The following ZNF648 variants were observed in gnomAD, a reference collection of about 807,000 sequenced individuals.
ZNF648 encodes zinc finger protein 648.
A neutral mutation model predicts 0.3 loss-of-function variants in ZNF648; 1 was observed. That is an observed-to-expected ratio of 3.90 (90% CI 1.39 to 18.51). ZNF648 has a LOEUF of 18.51. Ranked by LOEUF, ZNF648 falls within the 30% of genes most tolerant of loss-of-function variation. ZNF648 has a pLI of 0.11. For missense variants in ZNF648, 874 were observed against 769.7 expected (o/e 1.14, Z -1.60); for synonymous variants, 376 against 326.8 (o/e 1.15, Z -1.62).
Position 182,056,995 on chromosome 1 carries a change from T to C in ZNF648, c.1016A>G (p.Asp339Gly), listed in dbSNP as rs915835018. The C allele has an allele frequency of 4.3e-6, 7 of 1,613,608 alleles. No homozygotes were observed. The Admixed American group carries it at 1.0e-4, about 23-fold the overall frequency. The change falls in exon 2 of 2, where the codon GAC becomes GGC. Residue 339 changes from aspartate (D) to glycine (G), a missense_variant. Asp to Gly is a moderately conservative substitution (Grantham distance 94). Transcript: ENST00000339948. ...HTGEKPYPCP[D>G]CGKAFVRSSD... ...AGAGCGCACGAAGGCCTTCCCGCAGTCTGGACACGGGTAGGGTTTCTCGCC... is the reference window on the plus strand; with the variant it reads ...AGAGCGCACGAAGGCCTTCCCGCAGCCTGGACACGGGTAGGGTTTCTCGCC...
chr1:182,063,549 G>T (rs1666060040), upstream of ZNF648: 1 of 152,108 alleles, frequency 6.6e-6, no homozygotes, highest in Non-Finnish European at 1.5e-5. Flanking sequence ...TTTTAATGGG[G>T]TTGTTTGTGG....
chr1:182,057,319 C>T lies in ZNF648; in HGVS notation c.692G>A (p.Arg231Lys). Residue 231 changes from arginine to lysine, a missense_variant, in exon 2 of 2, where the codon AGG (arginine) becomes AAG (lysine). Physicochemically the swap from Arg to Lys is conservative, Grantham distance 26. Transcript: ENST00000339948. ...CCGGCCCGCCTGGTTCTGTACTTTC[C>T]TGCTGTTCCGCGCTTTTGCCAGGAC... ...AAVLAKARNSRKVQNQAGRRE... is the reference protein window; with the variant it reads ...AAVLAKARNSKKVQNQAGRRE... 2 of 1,606,912 alleles carry T rather than the reference C, an allele frequency of 1.2e-6. No homozygotes were observed. The highest frequency in any genetic ancestry group is 2.2e-5 in the South Asian group (2 of 90,848).
At chr1:182,063,027 G>A (rs967075518), upstream of ZNF648, 12 of 152,176 alleles carry the variant, frequency 7.9e-5, no homozygotes, top group Admixed American at 6.5e-4. Flanking sequence ...CCCTGCAAAG[G>A]ATATGATCCT....
At position 182,056,555 on chromosome 1, in the gene ZNF648, C is replaced by T. The variant is rs761040347; in HGVS notation, c.1456G>A (p.Ala486Thr). The T allele has an allele frequency of 6.2e-7, 1 of 1,614,090 alleles. No individual in the cohort carries two copies. Among genetic ancestry groups the T allele is most frequent in the East Asian group, 2.2e-5 (1 of 44,870 alleles). The part of the protein sequence containing the change: ...FPCTQCGQAF[A>T]RSSTLKRHQQ... ...TGCCGCTTCAGGGTCGAAGAGCGGG[C>T]AAAGGCCTGGCCACACTGCGTGCAA... Residue 486 changes from alanine to threonine, a missense_variant, in exon 2 of 2, where the codon GCC (alanine) becomes ACC (threonine). Coordinates refer to ENST00000339948, the MANE Select transcript of ZNF648 (RefSeq NM_001009992.1).
rs1399647848 is a variant in ZNF648, at chr1:182,057,468, G to A, written c.543C>T (p.Asp181=). ...ACAGAGAAGAGTTCCCTGCGGACGT[G>A]TCTACACTTTTGTGCGCACAGAGAT... ...GKYLCAHKSV[D]TSAGNSSLLC... Residue 181 remains aspartate, a synonymous_variant, in exon 2 of 2, where the codon GAC becomes GAT. Coordinates refer to ENST00000339948, the MANE Select transcript of ZNF648 (RefSeq NM_001009992.1). The A allele has an allele frequency of 7.4e-6, 12 of 1,614,110 alleles. No individual in the cohort carries two copies. Among genetic ancestry groups the A allele is most frequent in the Non-Finnish European group, 9.3e-6 (11 of 1,180,054 alleles).
chr1:182,067,472 A>T, the ZNF648 span, among the ~76,000 whole-genome samples: 1 of 152,258 alleles, frequency 6.6e-6, no homozygotes, highest in East Asian at 1.9e-4. Context: ...CTAACAATAT[A>T]ATATGGGGTA....
chr1:182,067,460 A>AATAT, the ZNF648 span, among the ~76,000 whole-genome samples: 7 of 152,338 alleles, frequency 4.6e-5, no homozygotes, highest in African/African-American at 1.7e-4. Flanking sequence ...AATCAGTATT[A>AATAT]GCTAACAATA....
chr1:182,057,746 C>T lies in ZNF648; in HGVS notation c.265G>A (p.Gly89Ser), dbSNP rs1444857527. Residue 89 changes from glycine to serine, a missense_variant, in exon 2 of 2, where the codon GGC becomes AGC. Physicochemically the swap from Gly to Ser is moderately conservative, Grantham distance 56. Coordinates refer to ENST00000339948, the MANE Select transcript of ZNF648 (RefSeq NM_001009992.1). ...ATTTCCACTGGTTTCTGCCCCATGCCCCCAGCACTGGAGGAGTCAGAGAAT... is the reference window on the plus strand; with the variant it reads ...ATTTCCACTGGTTTCTGCCCCATGCTCCCAGCACTGGAGGAGTCAGAGAAT... ...EKFSDSSSAG[G>S]MGQKPVEMSG... is the part of the protein sequence containing the mutation. 1 of 1,614,176 alleles carries T rather than the reference C, an allele frequency of 6.2e-7. No individual in the cohort carries two copies. Among genetic ancestry groups the T allele is most frequent in the Non-Finnish European group, 8.5e-7 (1 of 1,180,034 alleles).
intron 1 of ZNF648, among the ~76,000 whole-genome samples, chr1:182,058,449 A>T (rs1665977043): frequency 6.6e-6 from 1 of 151,834 alleles, no homozygotes. Context: ...TCCTCCTAAG[A>T]CACTCTTACA....
Position 182,057,683 on chromosome 1 carries a change from T to G in ZNF648, c.328A>C (p.Ile110Leu), listed in dbSNP as rs1185373103. 6.2e-7 allele frequency: 1 copy of G among 1,614,210 alleles called. No individual in the cohort carries two copies. The highest frequency in any genetic ancestry group is 2.2e-5 in the East Asian group (1 of 44,864). Residue 110 changes from isoleucine (I) to leucine (L), a missense_variant, in exon 2 of 2, where the codon ATC (isoleucine) becomes CTC (leucine). Physicochemically the swap from Ile to Leu is conservative, Grantham distance 5 (BLOSUM62 2). Coordinates refer to ENST00000339948, the MANE Select transcript of ZNF648 (RefSeq NM_001009992.1). Reference protein sequence around the residue: ...KASWSRDVTKINETQGSPGAS... With the variant: ...KASWSRDVTKLNETQGSPGAS... ...CCCGGGGAACCCTGGGTCTCGTTGA[T>G]CTTTGTCACATCTCTGCTCCAACTG... is the stretch of plus-strand genomic sequence containing the variant.
intron 1 of ZNF648, among the ~76,000 whole-genome samples, 194 bp downstream of exon 1, chr1:182,061,374 A>G (rs897106319): frequency 6.6e-6 from 1 of 152,232 alleles, no homozygotes; most frequent in Admixed American, 6.5e-5. Context: ...CCCCAACCTC[A>G]TACATCCATC....
At chr1:182,059,903 G>A (rs1161296001) in intron 1 of ZNF648, among the ~76,000 whole-genome samples, 3 of 152,112 alleles carry the variant, frequency 2.0e-5, no homozygotes, top group African/African-American at 7.2e-5. Flanking sequence ...CCTGCCCAAG[G>A]CCACACAGCT....
chr1:182,060,973 G>T (rs1237462339), intron 1 of ZNF648, among the ~76,000 whole-genome samples: 2 of 152,114 alleles, frequency 1.3e-5, no homozygotes, highest in Non-Finnish European at 2.9e-5. Context: ...TGGGCCACAG[G>T]GGAGCCTCCT....
upstream of ZNF648, among the ~76,000 whole-genome samples, chr1:182,066,240 G>A (rs2101924148): frequency 6.6e-6 from 1 of 152,286 alleles, no homozygotes; most frequent in East Asian, 1.9e-4. Context: ...GAGAGAGAAG[G>A]GCATTTGATG....
the ZNF648 span, among the ~76,000 whole-genome samples, chr1:182,067,736 A>G: frequency 7.4e-3 from 1,130 of 152,368 alleles, 6 homozygotes; most frequent in Non-Finnish European, 0.012. Context: ...CCGAGGGAGC[A>G]TAAGCTGCAA....
chr1:182,065,882 C>T (rs1666091650), upstream of ZNF648, among the ~76,000 whole-genome samples: 1 of 152,192 alleles, frequency 6.6e-6, no homozygotes, highest in Admixed American at 6.5e-5. Context: ...CCTTTTGTTT[C>T]CTGGGTGTGT....
chr1:182,066,496 G>A (rs1666102148), upstream of ZNF648, among the ~76,000 whole-genome samples: 1 of 152,326 alleles, frequency 6.6e-6, no homozygotes, highest in South Asian at 2.1e-4. Flanking sequence ...AGGCAGTTAA[G>A]TGGCCAATAC....
chr1:182,058,707 C>T (rs1458351931), intron 1 of ZNF648, among the ~76,000 whole-genome samples: 1 of 152,192 alleles, frequency 6.6e-6, no homozygotes, highest in Non-Finnish European at 1.5e-5. Flanking sequence ...CTCCTAACTG[C>T]CAGGAAGGCT....
At position 182,056,992 on chromosome 1, in the gene ZNF648, C is replaced by T; in HGVS notation, c.1019G>A (p.Cys340Tyr). 1 of 1,613,792 alleles carries T rather than the reference C, an allele frequency of 6.2e-7. No individual in the cohort carries two copies. Among genetic ancestry groups the T allele is most frequent in the Non-Finnish European group, 8.5e-7 (1 of 1,179,954 alleles). The change falls in exon 2 of 2, where the codon TGC becomes TAC. Residue 340 changes from cysteine to tyrosine, a missense_variant. By Grantham distance (194) the Cys-to-Tyr change is radical (BLOSUM62 -2). Transcript: ENST00000339948. ...CGAAGAGCGCACGAAGGCCTTCCCG[C>T]AGTCTGGACACGGGTAGGGTTTCTC... ...TGEKPYPCPD[C>Y]GKAFVRSSDL...
Sources: allele counts gnomAD v4.1 joint callset (sites outside exome capture counted in the v4.1 genomes callset), GRCh38; gene constraint gnomAD v4.1.1; transcripts MANE v1.5; gene names NCBI Gene and HGNC (gene_info 2026-07-23, HGNC 2026-07-21).